RORA: variants seen among roughly 807,000 people sequenced by gnomAD.
RORA encodes the protein RAR related orphan receptor A.
A neutral mutation model predicts 69.5 loss-of-function variants in RORA; 7 were observed. The ratio of observed to expected loss-of-function variants is 0.10; its 90% CI spans 0.06 to 0.19. The LOEUF (loss-of-function observed/expected upper bound fraction) is 0.19. RORA is among the 10% of genes least tolerant of loss of function. The probability of loss-of-function intolerance (pLI) is 1.00; values close to 1 mark genes in which losing one functional copy is unlikely to be tolerated. For synonymous variants in RORA, 261 were observed against 240.8 expected (o/e 1.08, Z -0.78); for missense variants, 457 against 663.0 (o/e 0.69, Z 3.41).
intron 1 of RORA, among the ~76,000 whole-genome samples, chr15:60,976,359 G>T (rs1023420977): frequency 2.0e-5 from 3 of 152,076 alleles, no homozygotes; most frequent in East Asian, 1.9e-4. Context: ...TAAGTAGATC[G>T]CCCACAAAGA....
chr15:60,677,340 A>G, intron 2 of RORA: 1 of 405,094 alleles, frequency 2.5e-6, no homozygotes, highest in South Asian at 1.7e-5. Context: ...ACAACGACAA[A>G]ACAACCCCCA....
At chr15:60,907,566 G>A (rs1281099515) in intron 1 of RORA, among the ~76,000 whole-genome samples, 1 of 152,142 alleles carries the variant, frequency 6.6e-6, no homozygotes, top group Admixed American at 6.5e-5. Context: ...GCTAGAAGAG[G>A]CCATATGTGG....
intron 1 of RORA, among the ~76,000 whole-genome samples, chr15:61,112,397 G>A (rs1350213941): frequency 4.6e-5 from 7 of 152,188 alleles, no homozygotes; most frequent in South Asian, 2.1e-4. Context: ...GAGTGTGCGC[G>A]TTTCCAGCCT....
chr15:60,796,675 C>T (rs2072502378), intron 1 of RORA, among the ~76,000 whole-genome samples: 1 of 152,096 alleles, frequency 6.6e-6, no homozygotes, highest in Admixed American at 6.5e-5. Context: ...AGCAATTTCA[C>T]TCCTAGGTAT....
intron 1 of RORA, among the ~76,000 whole-genome samples, chr15:60,863,665 T>C (rs2073455368): frequency 6.6e-6 from 1 of 152,232 alleles, no homozygotes; most frequent in African/African-American, 2.4e-5. Context: ...GTTGGGAAGA[T>C]TAAATGAAGT....
chr15:61,110,376 A>G (rs1412870045), intron 1 of RORA, among the ~76,000 whole-genome samples: 1 of 151,008 alleles, frequency 6.6e-6, no homozygotes. Flanking sequence ...GCCTGGCAAC[A>G]GAGCGAGACT....
chr15:60,555,226 T>C (rs975669262), intron 2 of RORA, among the ~76,000 whole-genome samples: 3 of 152,214 alleles, frequency 2.0e-5, no homozygotes, highest in East Asian at 1.9e-4. Context: ...TTCATGCCCA[T>C]TGATTAAATG....
chr15:60,675,553 C>T (rs983626352), intron 2 of RORA, among the ~76,000 whole-genome samples: 13 of 152,166 alleles, frequency 8.5e-5, no homozygotes, highest in African/African-American at 3.1e-4. Flanking sequence ...CACTGGCCAA[C>T]TAAACAGAAA....
rs1215575481 is a variant in RORA at position 61,186,300 on chromosome 15, C to T, written c.166+42753G>A. Among the ~76,000 whole-genome samples the T allele has an allele frequency of 6.6e-5, 10 of 152,256 alleles. No individual in the cohort carries two copies. In the East Asian group the frequency reaches 1.9e-3, roughly 29 times the overall value. On this transcript the variant is annotated intron_variant, in intron 1 of 10. Transcript: ENST00000335670. ...CAGCCCCAGGATTATCCCTGTAATT[C>T]TAAGACCCTGATGTGCATCAGAACC... is the stretch of plus-strand genomic sequence containing the variant.
intron 1 of RORA, among the ~76,000 whole-genome samples, chr15:60,715,396 A>G (rs774457494): frequency 6.6e-5 from 10 of 152,218 alleles, no homozygotes; most frequent in Non-Finnish European, 1.3e-4. Context: ...GCTTTCTTCC[A>G]AAGTGTCCCA....
intron 3 of RORA, among the ~76,000 whole-genome samples, chr15:60,519,260 G>A (rs2066074475): frequency 6.6e-6 from 1 of 151,844 alleles, no homozygotes; most frequent in South Asian, 2.1e-4. Flanking sequence ...CATTAAAACA[G>A]CACTGACTTC....
intron 1 of RORA, among the ~76,000 whole-genome samples, chr15:61,008,911 T>C (rs1895002536): frequency 2.0e-5 from 3 of 152,132 alleles, no homozygotes; most frequent in Admixed American, 2.0e-4. Flanking sequence ...TAGAAAGTTA[T>C]CCATTTGATG....
At chr15:60,760,849 C>G (rs2071874687) in intron 1 of RORA, among the ~76,000 whole-genome samples, 1 of 150,956 alleles carries the variant, frequency 6.6e-6, no homozygotes, top group Admixed American at 6.6e-5. Flanking sequence ...TACATGCAGA[C>G]AGACACACAC....
chr15:60,756,702 A>T (rs566693435), intron 1 of RORA, among the ~76,000 whole-genome samples: 1 of 152,316 alleles, frequency 6.6e-6, no homozygotes, highest in East Asian at 1.9e-4. Context: ...ACATGTTTTT[A>T]CCCAAAATGT....
intron 1 of RORA, among the ~76,000 whole-genome samples, chr15:60,865,852 C>T (rs1328387687): frequency 6.6e-6 from 1 of 152,096 alleles, no homozygotes; most frequent in Non-Finnish European, 1.5e-5. Flanking sequence ...TAGCTGAGAG[C>T]TATAATGAAG....
chr15:61,208,794 A>T (rs1217623016), intron 1 of RORA, among the ~76,000 whole-genome samples: 4 of 152,156 alleles, frequency 2.6e-5, no homozygotes, highest in African/African-American at 4.8e-5. Context: ...TGTCCAGTGT[A>T]TTCTTCACAA....
chr15:60,503,483 G>A (rs147972316), intron 7 of RORA, 52 bp downstream of exon 7: 43 of 1,581,738 alleles, frequency 2.7e-5, no homozygotes, highest in Middle Eastern at 3.3e-4. Context: ...TTTAATAAGC[G>A]GGTGAAAGCA....
At position 60,992,928 on chromosome 15, in the gene RORA, C is replaced by A. The variant is rs139345622; in HGVS notation, c.166+236125G>T. On this transcript the variant is annotated intron_variant, in intron 1 of 10. Coordinates refer to ENST00000335670, the MANE Select transcript of RORA (RefSeq NM_134261.3). ...TACCAAAAAACTTCAAGTGCTTCAG[C>A]ATGAAACTACTGATCCATAAATTGC... is the stretch of plus-strand genomic sequence containing the variant. Among the ~76,000 whole-genome samples the A allele has an allele frequency of 1.4e-3, 217 of 152,278 alleles. 1 individual carries two copies. The highest frequency in any genetic ancestry group is 5.1e-3 in the African/African-American group (210 of 41,558).
At chr15:60,937,705 C>T (rs577592472) in intron 1 of RORA, among the ~76,000 whole-genome samples, 8 of 152,280 alleles carry the variant, frequency 5.3e-5, no homozygotes, top group East Asian at 1.9e-4. Context: ...ACCTGGTTCA[C>T]GTTTCAGCTC....
Sources: gnomAD v4.1 joint callset for allele counts (sites outside exome capture counted in the v4.1 genomes callset) on GRCh38, gnomAD v4.1.1 for gene constraint, MANE v1.5 for transcripts, NCBI Gene and HGNC (gene_info 2026-07-23, HGNC 2026-07-21) for gene names.